The following PTPN2 variants were observed in gnomAD, a reference collection of about 807,000 sequenced individuals.
PTPN2 encodes the protein tyrosine-protein phosphatase non-receptor type 2.
Under a neutral mutation model 57.3 loss-of-function variants are expected in PTPN2, and 19 were observed. The observed-to-expected ratio is 0.33, with a 90% CI of 0.23 to 0.49. The LOEUF is 0.49. PTPN2 is among the 20% of genes least tolerant of loss of function. The pLI, the probability that PTPN2 is intolerant of heterozygous loss-of-function variation, is 0.99. For synonymous variants in PTPN2, 153 were observed against 164.9 expected, an observed-to-expected ratio of 0.93 and a Z score of 0.55; for missense variants, 358 against 501.1, an observed-to-expected ratio of 0.71 and a Z score of 2.73.
chr18:12,819,947 G>A (rs1191966870), intron 5 of PTPN2, among the ~76,000 whole-genome samples: 2 of 152,170 alleles, frequency 1.3e-5, no homozygotes, highest in African/African-American at 4.8e-5. Flanking sequence ...CAGTCTGTGT[G>A]GGCCTTCATG....
chr18:12,826,001 T>C, intron 4 of PTPN2, 57 bp from the exon 5 acceptor site: 1 of 1,416,362 alleles, frequency 7.1e-7, no homozygotes, highest in South Asian at 1.4e-5. Flanking sequence ...CATGAAACCA[T>C]AAAGTTAAAA....
At chr18:12,817,948 C>T (rs2042134160) in intron 5 of PTPN2, among the ~76,000 whole-genome samples, 1 of 152,166 alleles carries the variant, frequency 6.6e-6, no homozygotes, top group Non-Finnish European at 1.5e-5. Flanking sequence ...CGAGACCAGC[C>T]TGGCCAACAT....
At position 12,818,790 on chromosome 18, in the gene PTPN2, C is replaced by T. The variant is rs114492362; in HGVS notation, c.496-1425G>A. Among the ~76,000 whole-genome samples the T allele has an allele frequency of 7.8e-3, 1,188 of 151,924 alleles. 8 individuals carry two copies. The highest frequency in any genetic ancestry group is 0.027 in the African/African-American group (1,125 of 41,448). ...ATTTTCAAAATTAGAAGTTAGCTTT[C>T]GCTTTAAAAATATAAATTTTCGGCC... On this transcript the variant is annotated intron_variant, in intron 5 of 8. Coordinates refer to ENST00000309660, the MANE Select transcript of PTPN2 (RefSeq NM_002828.4).
chr18:12,798,690 A>G (rs1175846388), intron 8 of PTPN2, among the ~76,000 whole-genome samples: 1 of 152,146 alleles, frequency 6.6e-6, no homozygotes, highest in Non-Finnish European at 1.5e-5. Flanking sequence ...TGTCTTTTCT[A>G]TGGTGAATAG....
At chr18:12,841,746 A>T (rs911945372) in intron 2 of PTPN2, among the ~76,000 whole-genome samples, 1 of 152,218 alleles carries the variant, frequency 6.6e-6, no homozygotes, top group East Asian at 1.9e-4. Flanking sequence ...GTCCTCTTTA[A>T]TCTGTCCCCA....
At chr18:12,862,508 A>G (rs1245248801) in intron 1 of PTPN2, 2 of 152,294 alleles carry the variant, frequency 1.3e-5, no homozygotes, top group South Asian at 2.1e-4. Flanking sequence ...TTTTCAGACC[A>G]CAATGAGCCC....
At chr18:12,841,443 A>G (rs1034310838) in intron 2 of PTPN2, among the ~76,000 whole-genome samples, 19 of 152,256 alleles carry the variant, frequency 1.2e-4, no homozygotes, top group African/African-American at 4.3e-4. Context: ...AACCAAGAAG[A>G]AGGCAACTTC....
At chr18:12,835,101 C>G (rs2145390837) in intron 3 of PTPN2, among the ~76,000 whole-genome samples, 1 of 152,190 alleles carries the variant, frequency 6.6e-6, no homozygotes, top group Non-Finnish European at 1.5e-5. Context: ...TGTAAGTGGA[C>G]TAGTACAGTT....
chr18:12,848,149 A>G (rs900237090), intron 2 of PTPN2, among the ~76,000 whole-genome samples: 2 of 152,194 alleles, frequency 1.3e-5, no homozygotes, highest in African/African-American at 2.4e-5. Flanking sequence ...TATAGAACTA[A>G]GTTTTTATCT....
intron 1 of PTPN2, 56 bp from the exon 2 acceptor site, chr18:12,859,310 T>A: frequency 1.6e-6 from 2 of 1,214,126 alleles, no homozygotes; most frequent in Non-Finnish European, 2.4e-6. Context: ...ACAGCAAAAC[T>A]TATCTTCCCA....
chr18:12,874,721 G>A (rs1337862787), intron 1 of PTPN2, among the ~76,000 whole-genome samples: 60 of 151,698 alleles, frequency 4.0e-4, no homozygotes, highest in South Asian at 1.7e-3. Context: ...CGCCCCACCC[G>A]GGAGGTGAGG....
intron 1 of PTPN2, chr18:12,869,002 T>G (rs2044092859): frequency 6.6e-6 from 1 of 151,832 alleles, no homozygotes; most frequent in Non-Finnish European, 1.5e-5. Context: ...GTACAAAAAC[T>G]AGCTGGGCAT....
At chr18:12,883,162 T>C (rs2044720025) in intron 1 of PTPN2, among the ~76,000 whole-genome samples, 1 of 152,066 alleles carries the variant, frequency 6.6e-6, no homozygotes, top group Middle Eastern at 3.2e-3. Flanking sequence ...GGAAAGGCTA[T>C]TTTGATTTGA....
intron 2 of PTPN2, chr18:12,840,667 C>G (rs1165323022): frequency 1.3e-6 from 2 of 1,585,332 alleles, no homozygotes; most frequent in East Asian, 2.2e-5. Context: ...GTGTAACACA[C>G]TAGAGCACAA....
chr18:12,807,582 A>ATATATATATATATATAT (rs764663687), intron 7 of PTPN2, among the ~76,000 whole-genome samples: 1 of 61,494 alleles, frequency 1.6e-5, no homozygotes, highest in African/African-American at 4.4e-5. Flanking sequence ...AAAAAAAAAA[A>ATATATATATATATATAT]AAAAATATAT....
At chr18:12,802,698 G>T (rs1038136496) in intron 7 of PTPN2, among the ~76,000 whole-genome samples, 2 of 152,142 alleles carry the variant, frequency 1.3e-5, no homozygotes, top group Non-Finnish European at 2.9e-5. Flanking sequence ...CGCCAAGAAA[G>T]AACAGACTGT....
At position 12,817,113 on chromosome 18, in the gene PTPN2, A is replaced by G; in HGVS notation, c.705+43T>C. On this transcript the variant is annotated intron_variant, in intron 6 of 8. Coordinates refer to ENST00000309660, the MANE Select transcript of PTPN2 (RefSeq NM_002828.4). ...ACTGCCAGTGGAAGCAATTTAAAAAAAAAAATCAATGAGATTAAAATGAGA... is the reference window on the plus strand; with the variant it reads ...ACTGCCAGTGGAAGCAATTTAAAAAGAAAAATCAATGAGATTAAAATGAGA... 2 of 1,566,566 alleles carry G rather than the reference A, an allele frequency of 1.3e-6. 1 individual carries two copies. Among genetic ancestry groups the G allele is most frequent in the Non-Finnish European group, 1.7e-6 (2 of 1,150,110 alleles).
At chr18:12,852,618 C>T (rs2043437189) in intron 2 of PTPN2, among the ~76,000 whole-genome samples, 1 of 152,146 alleles carries the variant, frequency 6.6e-6, no homozygotes. Flanking sequence ...TGGGCTCAAG[C>T]GATCCTCCCT....
chr18:12,807,586 A>AAAAAATAT, intron 7 of PTPN2, among the ~76,000 whole-genome samples: 1,783 of 34,638 alleles, frequency 0.051, 83 homozygotes, highest in Non-Finnish European at 0.082. Context: ...AAAAAAAAAA[A>AAAAAATAT]ATATATATAT....
Sources: gnomAD v4.1 joint callset for allele counts (sites outside exome capture counted in the v4.1 genomes callset) on GRCh38, gnomAD v4.1.1 for gene constraint, MANE v1.5 for transcripts, NCBI Gene and HGNC (gene_info 2026-07-23, HGNC 2026-07-21) for gene names.